Variants in KCNIP4 observed in about 807,000 individuals in gnomAD.
The protein encoded by KCNIP4 is potassium voltage-gated channel interacting protein 4, also known as Kv channel-interacting protein 4.
KCNIP4 carries 12 observed loss-of-function variants against 34.0 expected under a neutral mutation model. That is an observed-to-expected ratio of 0.35 (90% CI 0.23 to 0.57). The LOEUF is 0.57. Ranked by LOEUF, KCNIP4 falls within the 20% of genes least tolerant of loss-of-function variation. The probability of loss-of-function intolerance (pLI) is 0.83; values close to 1 mark genes in which losing one functional copy is unlikely to be tolerated. For missense variants in KCNIP4, 238 were observed against 311.7 expected, an observed-to-expected ratio of 0.76 and a Z score of 1.78; for synonymous variants, 124 against 102.2, an observed-to-expected ratio of 1.21 and a Z score of -1.29.
intron 3 of KCNIP4, among the ~76,000 whole-genome samples, chr4:20,823,732 C>T (rs922112749): frequency 6.6e-6 from 1 of 152,200 alleles, no homozygotes; most frequent in Admixed American, 6.5e-5. Flanking sequence ...AAGCCACCCA[C>T]TCCATAGTAT....
chr4:21,221,023 G>C (rs1757945479), intron 1 of KCNIP4, among the ~76,000 whole-genome samples: 1 of 152,094 alleles, frequency 6.6e-6, no homozygotes, highest in African/African-American at 2.4e-5. Context: ...AAGCCTCCAA[G>C]GTATTTAAAT....
chr4:21,229,725 G>A (rs968902381), intron 1 of KCNIP4, among the ~76,000 whole-genome samples: 35 of 152,096 alleles, frequency 2.3e-4, no homozygotes, highest in Admixed American at 1.4e-3. Flanking sequence ...CATTGGAGGC[G>A]AGAGTAAAAA....
chr4:21,240,242 G>T (rs922047044), intron 1 of KCNIP4, among the ~76,000 whole-genome samples: 2 of 101,620 alleles, frequency 2.0e-5, no homozygotes, highest in African/African-American at 7.7e-5. Flanking sequence ...GGGGAGGGGG[G>T]AGGGATAGCA....
intron 1 of KCNIP4, among the ~76,000 whole-genome samples, chr4:21,524,718 T>A (rs1402159295): frequency 6.6e-6 from 1 of 152,198 alleles, no homozygotes; most frequent in Admixed American, 6.6e-5. Flanking sequence ...TTTTTTGAAA[T>A]ATTTTCTGTC....
chr4:20,888,270 T>C lies in KCNIP4; in HGVS notation c.62-5561A>G, dbSNP rs189911073. ...TAATTAAATCAGAAATTGTATTTTT[T>C]ATTCATTACTGAATTCCCAGTATGT... is the stretch of plus-strand genomic sequence containing the variant. On this transcript the variant is annotated intron_variant, in intron 1 of 8. Coordinates refer to ENST00000382152, the MANE Select transcript of KCNIP4 (RefSeq NM_025221.6). Among the ~76,000 whole-genome samples, 531 of 152,344 alleles carry C rather than the reference T, an allele frequency of 3.5e-3. 3 individuals carry two copies. Among genetic ancestry groups the C allele is most frequent in the Middle Eastern group, 6.8e-3 (2 of 294 alleles).
chr4:20,731,809 CTCAG>C, intron 8 of KCNIP4, 193 bp downstream of exon 8: 1 of 985,396 alleles, frequency 1.0e-6, no homozygotes, highest in South Asian at 4.7e-5. Flanking sequence ...CATAGCCTGA[CTCAG>C]TGGGCACTCT....
chr4:21,698,349 C>CAAA (rs1712565110), intron 1 of KCNIP4, among the ~76,000 whole-genome samples: 1 of 152,138 alleles, frequency 6.6e-6, no homozygotes, highest in Non-Finnish European at 1.5e-5. Context: ...AACAGAGCTC[C>CAAA]AAAACTAATT....
chr4:20,837,535 G>C, intron 3 of KCNIP4, among the ~76,000 whole-genome samples: 1 of 151,712 alleles, frequency 6.6e-6, no homozygotes, highest in East Asian at 1.9e-4. Context: ...TTTAATTTTA[G>C]TTTTAGCCAC....
At chr4:21,203,613 A>G (rs1756645200) in intron 1 of KCNIP4, among the ~76,000 whole-genome samples, 1 of 152,190 alleles carries the variant, frequency 6.6e-6, no homozygotes, top group African/African-American at 2.4e-5. Flanking sequence ...AAGGCAAGGA[A>G]TTGCCCTGTT....
At chr4:21,558,478 T>A (rs560362797) in intron 1 of KCNIP4, among the ~76,000 whole-genome samples, 2 of 107,618 alleles carry the variant, frequency 1.9e-5, no homozygotes, top group African/African-American at 6.1e-5. Flanking sequence ...GGCGGCAGAG[T>A]GAGATTCTGT....
chr4:21,276,361 CTT>C (rs3080866), intron 1 of KCNIP4, among the ~76,000 whole-genome samples: 51,117 of 128,738 alleles, frequency 0.4, 9,365 homozygotes, highest in South Asian at 0.52. Flanking sequence ...GAGATTTTCT[CTT>C]TTTTTTTTTT....
At chr4:21,110,552 T>A (rs534391676) in intron 1 of KCNIP4, among the ~76,000 whole-genome samples, 1 of 152,384 alleles carries the variant, frequency 6.6e-6, no homozygotes. Context: ...TCTGGCTTTT[T>A]AATTTTGTTT....
chr4:21,195,770 C>A (rs974223146), intron 1 of KCNIP4, among the ~76,000 whole-genome samples: 1 of 152,170 alleles, frequency 6.6e-6, no homozygotes, highest in East Asian at 1.9e-4. Flanking sequence ...CCAACTAGAA[C>A]GCCTGGTTGC....
At chr4:21,088,966 A>G (rs1006628928) in intron 1 of KCNIP4, among the ~76,000 whole-genome samples, 1 of 152,224 alleles carries the variant, frequency 6.6e-6, no homozygotes, top group Non-Finnish European at 1.5e-5. Context: ...TTGTGAAATG[A>G]ATAAATATTT....
chr4:21,404,389 T>A (rs539846201), intron 1 of KCNIP4, among the ~76,000 whole-genome samples: 1 of 152,336 alleles, frequency 6.6e-6, no homozygotes, highest in South Asian at 2.1e-4. Flanking sequence ...CCTTAGTAAC[T>A]GCTTAGTAAA....
At chr4:21,451,180 GA>G (rs1728479906) in intron 1 of KCNIP4, among the ~76,000 whole-genome samples, 1 of 152,130 alleles carries the variant, frequency 6.6e-6, no homozygotes, top group Non-Finnish European at 1.5e-5. Flanking sequence ...TTGTTAATGT[GA>G]AGCTAGTTTT....
intron 3 of KCNIP4, among the ~76,000 whole-genome samples, chr4:20,811,991 A>C (rs1286834610): frequency 2.0e-5 from 3 of 152,198 alleles, no homozygotes; most frequent in Non-Finnish European, 4.4e-5. Flanking sequence ...CCACTAAATT[A>C]AATGACAGTT....
chr4:21,764,658 C>T (rs1161798560), intron 1 of KCNIP4, among the ~76,000 whole-genome samples: 1 of 152,056 alleles, frequency 6.6e-6, no homozygotes, highest in Non-Finnish European at 1.5e-5. Flanking sequence ...ACTTTTGCTC[C>T]ACATCCCTGG....
In KCNIP4 at chr4:21,734,653, G is replaced by T. The variant is rs187505727; in HGVS notation, c.61+213918C>A. 1.2e-4 allele frequency among the ~76,000 whole-genome samples: 19 copies of T among 152,102 alleles called. No individual in the cohort carries two copies. In the East Asian group the frequency reaches 3.3e-3, roughly 26 times the overall value. The stretch of plus-strand genomic sequence containing the variant: ...CTATCTTTAAACACTTGACTCAATT[G>T]GTAGACAAAAATTTTTTAAAGTGGT... On this transcript the variant is annotated intron_variant, in intron 1 of 8. Coordinates refer to ENST00000382152, the MANE Select transcript of KCNIP4 (RefSeq NM_025221.6).
Sources: allele counts gnomAD v4.1 joint callset (sites outside exome capture counted in the v4.1 genomes callset), GRCh38; gene constraint gnomAD v4.1.1; transcripts MANE v1.5; gene names NCBI Gene and HGNC (gene_info 2026-07-23, HGNC 2026-07-21).